The following CAB39 variants were observed in gnomAD, a reference collection of about 807,000 sequenced individuals.
CAB39 encodes calcium-binding protein 39.
Under a neutral mutation model 40.0 loss-of-function variants are expected in CAB39, and 8 were observed. That is an observed-to-expected ratio of 0.20 (90% CI 0.12 to 0.36). CAB39 has a LOEUF of 0.36. CAB39 is among the 10% of genes least tolerant of loss of function. CAB39 has a pLI of 1.00. For synonymous variants in CAB39, 156 were observed against 141.6 expected, an observed-to-expected ratio of 1.10 and a Z score of -0.72; for missense variants, 270 against 401.1, an observed-to-expected ratio of 0.67 and a Z score of 2.79.
At position 230,793,256 on chromosome 2, in the gene CAB39, G is replaced by A; in HGVS notation, c.323G>A (p.Arg108Lys). ...VAQIFNNILR[R>K]QIGTRTPTVE... ...CAAATTTTCAACAATATTCTCAGAA[G>A]ACAAATTGGTACGAGAACTCCTACT... Residue 108 changes from arginine (R) to lysine (K), a missense_variant, in exon 4 of 9, where the codon AGA becomes AAA. By Grantham distance (26) the Arg-to-Lys change is conservative (BLOSUM62 2). Coordinates refer to ENST00000258418, the MANE Select transcript of CAB39 (RefSeq NM_016289.4). 1.2e-6 allele frequency: 2 copies of A among 1,612,746 alleles called. No individual in the cohort carries two copies. Among genetic ancestry groups the A allele is most frequent in the Non-Finnish European group, 1.7e-6 (2 of 1,179,236 alleles).
intron 2 of CAB39, among the ~76,000 whole-genome samples, chr2:230,763,765 T>A (rs1695335120): frequency 6.6e-6 from 1 of 152,226 alleles, no homozygotes; most frequent in Non-Finnish European, 1.5e-5. Flanking sequence ...CTTTTTATAC[T>A]CTGTACTTTG....
At chr2:230,774,869 G>A in intron 2 of CAB39, among the ~76,000 whole-genome samples, 1 of 152,182 alleles carries the variant, frequency 6.6e-6, no homozygotes, top group South Asian at 2.1e-4. Flanking sequence ...GTAAAGAGGT[G>A]GGGGTTGGGG....
Position 230,725,553 on chromosome 2 carries a change from C to G in CAB39, c.-44+12323C>G, listed in dbSNP as rs1412759845. The G allele has an allele frequency of 6.3e-6, 5 of 790,482 alleles. No homozygotes were observed. The African/African-American group carries it at 8.7e-5, about 14-fold the overall frequency. The allele number at this position is 790,482 out of a possible 1,614,324, so 49.0% of individuals were successfully genotyped here. ...ATTTTTAGGTAAGTAATGGGGAAAACCAAGCAAATTGTGTAATTGGCCCGA... is the reference window on the plus strand; with the variant it reads ...ATTTTTAGGTAAGTAATGGGGAAAAGCAAGCAAATTGTGTAATTGGCCCGA... On this transcript the variant is annotated intron_variant, in intron 1 of 8. Transcript: ENST00000258418.
chr2:230,817,910 A>G lies in CAB39; in HGVS notation c.837+13A>G, dbSNP rs1010016142. 10 of 1,605,578 alleles carry G rather than the reference A, an allele frequency of 6.2e-6. No individual in the cohort carries two copies. Among genetic ancestry groups the G allele is most frequent in the Non-Finnish European group, 8.5e-6 (10 of 1,177,368 alleles). On this transcript the variant is annotated intron_variant, in intron 8 of 8. Coordinates refer to ENST00000258418, the MANE Select transcript of CAB39 (RefSeq NM_016289.4). ...TCACGTTTTTAAGGTAGAGTACTAG[A>G]AGCATCAGTGATACTGTCCACTGGA...
intron 6 of CAB39, among the ~76,000 whole-genome samples, chr2:230,811,711 G>A (rs143486986): frequency 3.3e-5 from 5 of 152,338 alleles, no homozygotes; most frequent in East Asian, 1.9e-4. Flanking sequence ...AGATAAGAAC[G>A]TGTATGTGAC....
intron 2 of CAB39, among the ~76,000 whole-genome samples, chr2:230,780,033 T>G (rs1695658793): frequency 6.6e-6 from 1 of 152,178 alleles, no homozygotes; most frequent in Non-Finnish European, 1.5e-5. Flanking sequence ...GGTCATCTGG[T>G]CCAGTTCCCT....
chr2:230,714,315 C>T (rs1284703087), intron 1 of CAB39, among the ~76,000 whole-genome samples: 1 of 152,042 alleles, frequency 6.6e-6, no homozygotes, highest in Non-Finnish European at 1.5e-5. Context: ...AGGAGGAGGC[C>T]CAGTCAGGAG....
intron 2 of CAB39, among the ~76,000 whole-genome samples, chr2:230,775,312 C>T (rs1007203528): frequency 2.0e-5 from 3 of 150,904 alleles, no homozygotes; most frequent in Admixed American, 1.3e-4. Context: ...CTCGGCTCAC[C>T]GCAACCTCCG....
At chr2:230,757,820 C>T (rs752239330) in intron 1 of CAB39, among the ~76,000 whole-genome samples, 1 of 152,034 alleles carries the variant, frequency 6.6e-6, no homozygotes, top group Non-Finnish European at 1.5e-5. Context: ...CCCCCCACCC[C>T]CTGCCGCCCA....
In CAB39 at chr2:230,778,739, T is replaced by C. The variant is rs111702747; in HGVS notation, c.115-12133T>C. Among the ~76,000 whole-genome samples, 446 of 152,318 alleles carry C rather than the reference T, an allele frequency of 2.9e-3. 2 individuals carry two copies. The highest frequency in any genetic ancestry group is 0.01 in the African/African-American group (422 of 41,568). On this transcript the variant is annotated intron_variant, in intron 2 of 8. Coordinates refer to ENST00000258418, the MANE Select transcript of CAB39 (RefSeq NM_016289.4). ...GTTACACGTTACTTAACAACAGGGA[T>C]ACATTCCAAAAAATGCATCATTAGG...
intron 1 of CAB39, among the ~76,000 whole-genome samples, chr2:230,727,402 T>A (rs1412669947): frequency 1.9e-5 from 2 of 105,420 alleles, no homozygotes; most frequent in Admixed American, 8.8e-5. Flanking sequence ...GTGTGTGTAT[T>A]TTTTTTTCTT....
chr2:230,736,670 A>G (rs1175436968), intron 1 of CAB39, among the ~76,000 whole-genome samples: 6 of 152,204 alleles, frequency 3.9e-5, no homozygotes, highest in African/African-American at 1.4e-4. Flanking sequence ...TGGGTCCTTA[A>G]TATACTTCTC....
chr2:230,818,396 C>T (rs1030265343), intron 8 of CAB39, 120 bp from the exon 9 acceptor site: 11 of 708,966 alleles, frequency 1.6e-5, no homozygotes, highest in Admixed American at 3.0e-5. Context: ...AACCTAATGA[C>T]CCTGACTTCA....
At chr2:230,773,430 A>G (rs1695528327) in intron 2 of CAB39, among the ~76,000 whole-genome samples, 1 of 151,882 alleles carries the variant, frequency 6.6e-6, no homozygotes, top group African/African-American at 2.4e-5. Flanking sequence ...CTGTTTATGT[A>G]CCAACTGGGG....
At chr2:230,744,421 G>A (rs1158774800) in intron 1 of CAB39, among the ~76,000 whole-genome samples, 1 of 152,164 alleles carries the variant, frequency 6.6e-6, no homozygotes, top group Non-Finnish European at 1.5e-5. Flanking sequence ...AGCCTCCTGG[G>A]TAACTGGGAA....
chr2:230,715,586 C>T lies in CAB39; in HGVS notation c.-44+2356C>T, dbSNP rs569329897. ...AAAATAGTCTCTACACTAGGGCCAT[C>T]CATATAGGTTAACTATTTTTTGAAC... On this transcript the variant is annotated intron_variant, in intron 1 of 8. Transcript: ENST00000258418. Among the ~76,000 whole-genome samples, 92 of 152,222 alleles carry T rather than the reference C, an allele frequency of 6.0e-4. 1 individual carries two copies. The highest frequency in any genetic ancestry group is 1.0e-3 in the Non-Finnish European group (69 of 68,042).
At chr2:230,764,662 A>G (rs1695353022) in intron 2 of CAB39, among the ~76,000 whole-genome samples, 1 of 152,244 alleles carries the variant, frequency 6.6e-6, no homozygotes, top group Admixed American at 6.5e-5. Context: ...TTCAGAATTC[A>G]GATTTGGCAA....
chr2:230,807,978 C>G lies in CAB39; in HGVS notation c.568-2285C>G, dbSNP rs545402772. ...ACACTGTCTGACAGGGATCCTGACACTTGAATTCCTAAGTTAACATATTCA... is the reference window on the plus strand; with the variant it reads ...ACACTGTCTGACAGGGATCCTGACAGTTGAATTCCTAAGTTAACATATTCA... On this transcript the variant is annotated intron_variant, in intron 5 of 8. Coordinates refer to ENST00000258418, the MANE Select transcript of CAB39 (RefSeq NM_016289.4). Among the ~76,000 whole-genome samples, 9 of 152,270 alleles carry G rather than the reference C, an allele frequency of 5.9e-5. No homozygotes were observed. The East Asian group carries it at 1.7e-3, about 29-fold the overall frequency.
intron 1 of CAB39, among the ~76,000 whole-genome samples, chr2:230,749,083 T>C (rs1313370550): frequency 6.7e-6 from 1 of 149,606 alleles, no homozygotes; most frequent in Middle Eastern, 3.5e-3. Context: ...AAGAAAATTA[T>C]TTTTAGTATT....
Sources: gnomAD v4.1 joint callset for allele counts (sites outside exome capture counted in the v4.1 genomes callset) on GRCh38, gnomAD v4.1.1 for gene constraint, MANE v1.5 for transcripts, NCBI Gene and HGNC (gene_info 2026-07-23, HGNC 2026-07-21) for gene names.